Variants in TECPR2 observed in about 807,000 individuals in gnomAD.
TECPR2 encodes tectonin beta-propeller repeat-containing protein 2.
TECPR2 carries 65 observed loss-of-function variants against 138.1 expected under a neutral mutation model. The ratio of observed to expected loss-of-function variants is 0.47; its 90% CI spans 0.39 to 0.58. The LOEUF (loss-of-function observed/expected upper bound fraction) is 0.58, where lower values mean the gene tolerates loss of function less well. Ranked by LOEUF, TECPR2 falls within the 20% of genes least tolerant of loss-of-function variation. The pLI is 0.00. For missense variants in TECPR2, 1,553 were observed against 1,824.5 expected, an observed-to-expected ratio of 0.85 and a Z score of 2.71; for synonymous variants, 746 against 749.8, an observed-to-expected ratio of 0.99 and a Z score of 0.08.
At chr14:102,411,217 A>C (rs879692069) in intron 4 of TECPR2, among the ~76,000 whole-genome samples, 9 of 152,364 alleles carry the variant, frequency 5.9e-5, no homozygotes, top group East Asian at 3.9e-4. Context: ...ACCACCCCCC[A>C]AAAATTTTTG....
intron 18 of TECPR2, 99 bp from the exon 19 acceptor site, chr14:102,497,471 A>C: frequency 7.2e-7 from 1 of 1,381,350 alleles, no homozygotes. Context: ...CCCCGCAGGG[A>C]CCCTGGTGGA....
intron 2 of TECPR2, among the ~76,000 whole-genome samples, chr14:102,393,457 G>C (rs924979233): frequency 1.6e-4 from 24 of 152,088 alleles, no homozygotes; most frequent in Non-Finnish European, 3.4e-4. Flanking sequence ...ATTAACTCAA[G>C]CTCATTGGTT....
intron 1 of TECPR2, among the ~76,000 whole-genome samples, chr14:102,370,480 A>G (rs1211206375): frequency 6.6e-6 from 1 of 152,198 alleles, no homozygotes; most frequent in Admixed American, 6.5e-5. Context: ...GCAGATACGA[A>G]AGTGCCTGCC....
chr14:102,408,306 C>G (rs1008443007), intron 3 of TECPR2, among the ~76,000 whole-genome samples, 182 bp from the exon 4 acceptor site: 5 of 152,100 alleles, frequency 3.3e-5, no homozygotes, highest in South Asian at 2.1e-4. Flanking sequence ...AAGGTATGCT[C>G]TCTGTGGGTT....
chr14:102,484,900 C>T (rs1296577856), intron 17 of TECPR2, among the ~76,000 whole-genome samples: 3 of 152,140 alleles, frequency 2.0e-5, no homozygotes, highest in African/African-American at 2.4e-5. Flanking sequence ...TCAGGTGATC[C>T]GGTCTGCCTC....
At chr14:102,404,248 T>C (rs918624091) in intron 2 of TECPR2, among the ~76,000 whole-genome samples, 3 of 152,138 alleles carry the variant, frequency 2.0e-5, no homozygotes, top group Non-Finnish European at 4.4e-5. Flanking sequence ...AAGTAATTTA[T>C]AAGTTAATTC....
chr14:102,431,550 G>T (rs904234292), intron 7 of TECPR2, among the ~76,000 whole-genome samples: 1 of 152,024 alleles, frequency 6.6e-6, no homozygotes, highest in East Asian at 1.9e-4. Context: ...CACTGTGTTA[G>T]CCAGGATGGT....
rs764593926 is a variant in TECPR2, at chr14:102,489,900, C to T, written c.3790-7079C>T. Among the ~76,000 whole-genome samples the T allele has an allele frequency of 5.3e-5, 8 of 151,826 alleles. No homozygotes were observed. In the South Asian group the frequency reaches 6.2e-4, roughly 12 times the overall value. ...ACAAACCAGCAGTGCCAGGCTCAGC[C>T]GGGAGTTCTTTTGCCTCCAAAGAAA... On this transcript the variant is annotated intron_variant, in intron 17 of 19. Transcript: ENST00000359520.
At chr14:102,427,720 G>A (rs1017398204) in intron 6 of TECPR2, among the ~76,000 whole-genome samples, 5 of 152,186 alleles carry the variant, frequency 3.3e-5, no homozygotes, top group Non-Finnish European at 7.3e-5. Flanking sequence ...ACACAGTAGG[G>A]GGACTAGACG....
At chr14:102,426,538 G>A (rs1407152847) in intron 6 of TECPR2, among the ~76,000 whole-genome samples, 1 of 152,164 alleles carries the variant, frequency 6.6e-6, no homozygotes, top group Admixed American at 6.5e-5. Flanking sequence ...TTTATAAGCA[G>A]AGCCTCACTG....
chr14:102,422,425 G>A (rs1446210449), intron 5 of TECPR2, among the ~76,000 whole-genome samples: 2 of 152,194 alleles, frequency 1.3e-5, no homozygotes, highest in African/African-American at 2.4e-5. Flanking sequence ...TTCGCTTACA[G>A]TTGTAGTTTC....
In TECPR2 at chr14:102,443,130, C is replaced by T. The variant is rs1889878247; in HGVS notation, c.2753-517C>T. ...CTCAGGTCCCTGCCAACTCCAGCAG[C>T]GCTGCAGCCCTCTGCCTGGAAGAGC... On this transcript the variant is annotated intron_variant, in intron 11 of 19. Coordinates refer to ENST00000359520, the MANE Select transcript of TECPR2 (RefSeq NM_014844.5). The surrounding 1 kb of genome is among the most constrained non-coding windows in gnomAD (Gnocchi z 4.9). Among the ~76,000 whole-genome samples, 1 of 152,236 alleles carries T rather than the reference C, an allele frequency of 6.6e-6. No homozygotes were observed. The highest frequency in any genetic ancestry group is 6.5e-5 in the Admixed American group (1 of 15,288).
Position 102,419,510 on chromosome 14 carries a change from G to T in TECPR2, c.638+4717G>T, listed in dbSNP as rs1329824068. ...TGCTGGTGGGGACAGAGTGCAGGCG[G>T]TGGCCTCAGTTGGGCCCTCTCATGG... On this transcript the variant is annotated intron_variant, in intron 5 of 19. Coordinates refer to ENST00000359520, the MANE Select transcript of TECPR2 (RefSeq NM_014844.5). The surrounding 1 kb of genome is among the most constrained non-coding windows in gnomAD (Gnocchi z 4.8). Among the ~76,000 whole-genome samples, 1 of 152,118 alleles carries T rather than the reference G, an allele frequency of 6.6e-6. No homozygotes were observed. The highest frequency in any genetic ancestry group is 1.5e-5 in the Non-Finnish European group (1 of 68,016).
chr14:102,477,428 C>A (rs1329474572), intron 17 of TECPR2, among the ~76,000 whole-genome samples: 1 of 151,568 alleles, frequency 6.6e-6, no homozygotes, highest in Non-Finnish European at 1.5e-5. Context: ...CAAGGCCTGG[C>A]AGAAATTTCA....
intron 17 of TECPR2, among the ~76,000 whole-genome samples, chr14:102,472,098 T>G (rs1296669356): frequency 3.3e-5 from 5 of 152,338 alleles, no homozygotes; most frequent in Admixed American, 3.3e-4. Context: ...TGAGCGCCCA[T>G]GTGCCTTGCC....
At chr14:102,369,692 A>G (rs1363804561) in intron 1 of TECPR2, among the ~76,000 whole-genome samples, 1 of 152,186 alleles carries the variant, frequency 6.6e-6, no homozygotes, top group Middle Eastern at 3.2e-3. Context: ...CTGTAATCCC[A>G]GCACTTTGGG....
chr14:102,467,218 T>C (rs1041334478), intron 17 of TECPR2, among the ~76,000 whole-genome samples: 1 of 152,162 alleles, frequency 6.6e-6, no homozygotes, highest in Non-Finnish European at 1.5e-5. Context: ...GGCGATTCTG[T>C]GTTGAACTTT....
intron 17 of TECPR2, among the ~76,000 whole-genome samples, chr14:102,480,376 C>G (rs1890863938): frequency 6.6e-6 from 1 of 152,012 alleles, no homozygotes; most frequent in Non-Finnish European, 1.5e-5. Context: ...AGGCGCCCAC[C>G]ACCACACCTG....
chr14:102,405,435 AT>A lies in TECPR2; in HGVS notation c.220-1902del, dbSNP rs1238343685. ...ACCAATAAGCATATGAAAAATGACCATCACTAATTATTAGGGCATGCATGTC... is the reference window on the plus strand; with the variant it reads ...ACCAATAAGCATATGAAAAATGACCACACTAATTATTAGGGCATGCATGTC... On this transcript the variant is annotated intron_variant, in intron 2 of 19. Coordinates refer to ENST00000359520, the MANE Select transcript of TECPR2 (RefSeq NM_014844.5). Among the ~76,000 whole-genome samples the A allele has an allele frequency of 2.0e-5, 3 of 152,212 alleles. No individual in the cohort carries two copies. The East Asian group carries it at 5.8e-4, about 29-fold the overall frequency.
Sources: gnomAD v4.1 joint callset for allele counts (sites outside exome capture counted in the v4.1 genomes callset) on GRCh38, gnomAD v4.1.1 for gene constraint, Gnocchi (gnomAD v3.1) non-coding constraint, MANE v1.5 for transcripts, NCBI Gene and HGNC (gene_info 2026-07-23, HGNC 2026-07-21) for gene names.